The following DNAH5 variants were observed in gnomAD, a reference collection of about 807,000 sequenced individuals.
DNAH5 encodes the protein dynein axonemal heavy chain 5, also known as axonemal beta dynein heavy chain 5.
A neutral mutation model predicts 518.2 loss-of-function variants in DNAH5; 372 were observed. The ratio of observed to expected loss-of-function variants is 0.72; its 90% confidence interval spans 0.66 to 0.78. The LOEUF is 0.78. Ranked by LOEUF, DNAH5 falls within the 30% of genes least tolerant of loss-of-function variation. The pLI, the probability that DNAH5 is intolerant of heterozygous loss-of-function variation, is 0.00. For missense variants in DNAH5, 5,523 were observed against 5,687.0 expected (o/e 0.97, Z 0.93); for synonymous variants, 2,039 against 2,025.9 (o/e 1.01, Z -0.17).
intron 3 of DNAH5, among the ~76,000 whole-genome samples, chr5:13,926,640 T>A (rs1777898508): frequency 6.6e-6 from 1 of 152,210 alleles, no homozygotes; most frequent in Non-Finnish European, 1.5e-5. Context: ...TTTTTTGTAA[T>A]CTAAGAACAT....
At chr5:13,782,941 T>C (rs982621774) in intron 52 of DNAH5, among the ~76,000 whole-genome samples, 1 of 152,162 alleles carries the variant, frequency 6.6e-6, no homozygotes, top group South Asian at 2.1e-4. Flanking sequence ...AAATGAATAA[T>C]GTCCACCCTG....
chr5:13,998,747 A>G (rs753543728), intron 1 of DNAH5, among the ~76,000 whole-genome samples: 1 of 152,228 alleles, frequency 6.6e-6, no homozygotes, highest in Non-Finnish European at 1.5e-5. Context: ...ATAGTCCAAA[A>G]AACTCTTGAA....
intron 43 of DNAH5, 91 bp from the exon 44 acceptor site, chr5:13,811,914 AATAATG>A: frequency 2.9e-6 from 3 of 1,035,730 alleles, no homozygotes; most frequent in East Asian, 2.5e-5. Flanking sequence ...AGTATCTGTT[AATAATG>A]ATAATATCTA....
intron 64 of DNAH5, among the ~76,000 whole-genome samples, chr5:13,751,663 G>A (rs1051591344): frequency 7.2e-5 from 11 of 152,264 alleles, no homozygotes; most frequent in African/African-American, 2.6e-4. Context: ...GATCAGAGCA[G>A]GTTCCCAAAC....
At chr5:13,763,132 C>T (rs973157285) in intron 59 of DNAH5, among the ~76,000 whole-genome samples, 7 of 152,068 alleles carry the variant, frequency 4.6e-5, no homozygotes, top group Admixed American at 2.6e-4. Context: ...GAAAAGATAC[C>T]AACCTTAAAT....
At chr5:13,845,157 T>C (rs1322352635) in intron 31 of DNAH5, among the ~76,000 whole-genome samples, 164 bp from the exon 32 acceptor site, 2 of 152,208 alleles carry the variant, frequency 1.3e-5, no homozygotes, top group African/African-American at 2.4e-5. Flanking sequence ...TTTTTAAGAA[T>C]GTTTTCAAAT....
rs1261555927 is a variant in DNAH5 at position 13,855,309 on chromosome 5, C to T, written c.4950+4143G>A. On this transcript the variant is annotated intron_variant, in intron 30 of 78. Transcript: ENST00000265104. ...CTGCAAGCTCCGCCTCCCGGGTTCA[C>T]GCCATTCTCCTGCCTCAGCCTCCCA... is the stretch of plus-strand genomic sequence containing the variant. 2.3e-3 allele frequency among the ~76,000 whole-genome samples: 237 copies of T among 103,708 alleles called. 50 individuals are homozygous for T. The highest frequency in any genetic ancestry group is 7.5e-3 in the African/African-American group (214 of 28,460). The allele number at this position is 103,708 out of a possible 152,430, so 68.0% of individuals were successfully genotyped here. A position where few individuals can be genotyped will look rare whatever the true frequency, so the allele number is the denominator to read the frequency against.
chr5:13,708,152 C>T lies in DNAH5; in HGVS notation c.13309G>A (p.Asp4437Asn), dbSNP rs1185996065. The change falls in exon 76 of 79, where the codon GAT becomes AAT. Residue 4437 changes from aspartate (D) to asparagine (N), a missense_variant. This residue lies in a region of DNAH5 where 387 missense variants were observed against 430.0 expected (regional missense o/e 0.90). Coordinates refer to ENST00000265104, the MANE Select transcript of DNAH5 (RefSeq NM_001369.3). ...NLRDALDCMF[D>N]ARIPAWWKKA... The stretch of plus-strand genomic sequence containing the variant: ...TTCCACCAAGCAGGGATTCTAGCAT[C>T]AAACATGCAATCCAATGCATCTCGC... 1.2e-6 allele frequency: 2 copies of T among 1,614,150 alleles called. No homozygotes were observed. The highest frequency in any genetic ancestry group is 1.7e-5 in the Admixed American group (1 of 60,024).
intron 65 of DNAH5, among the ~76,000 whole-genome samples, chr5:13,737,992 G>A (rs1747817096): frequency 6.6e-6 from 1 of 151,828 alleles, no homozygotes; most frequent in Non-Finnish European, 1.5e-5. Flanking sequence ...GAGCCAGGGA[G>A]GCAGAGGTTG....
Position 13,844,886 on chromosome 5 carries a change from TG to T in DNAH5, c.5221del (p.His1741IlefsTer3). 6.2e-7 allele frequency: 1 copy of T among 1,614,158 alleles called. No homozygotes were observed. Among genetic ancestry groups the T allele is most frequent in the Non-Finnish European group, 8.5e-7 (1 of 1,180,024 alleles). ...QASDSHTIQA[H>X]LLNVFDNIKS... ...AATGTTGTCAAACACATTCAGCAAA[TG>T]GGCCTGTATAGTGTGGGAGTCCGAC... On this transcript the variant is annotated frameshift_variant, in exon 32 of 79. Transcript: ENST00000265104. LOFTEE classifies it high-confidence loss of function.
chr5:13,958,125 A>G (rs910131642), intron 1 of DNAH5, among the ~76,000 whole-genome samples: 12 of 151,810 alleles, frequency 7.9e-5, no homozygotes, highest in Non-Finnish European at 1.2e-4. Flanking sequence ...TTACTTTTAG[A>G]TTGGTTCCAA....
At position 13,940,410 on chromosome 5, in the gene DNAH5, A is replaced by AAT. The variant is rs943311097; in HGVS notation, c.57+3970_57+3971dup. Reference sequence around the variant, plus strand: ...AAATGGCCCTTACCCATATGCTAAAAATATATATATATAATATGTCACCAT... The same window carrying AAT: ...AAATGGCCCTTACCCATATGCTAAAAATATATATATATATAATATGTCACCAT... On this transcript the variant is annotated intron_variant, in intron 1 of 78. Transcript: ENST00000265104. Among the ~76,000 whole-genome samples the AAT allele has an allele frequency of 1.8e-4, 27 of 152,058 alleles. 1 individual carries two copies. Among genetic ancestry groups the AAT allele is most frequent in the South Asian group, 1.2e-3 (6 of 4,820 alleles).
At position 13,844,837 on chromosome 5, in the gene DNAH5, C is replaced by A. The variant is rs1293906490; in HGVS notation, c.5271G>T (p.Lys1757Asn). The stretch of plus-strand genomic sequence containing the variant: ...GGCCTGCCATTAGAATTAGGCGAAC[C>A]TTTTCGTGGAACTTGACAGATTTAA... ...DNIKSVKFHE[K>N]IYDRILSISS... Residue 1757 changes from lysine to asparagine, a missense_variant and splice_region_variant, in exon 32 of 79, where the codon AAG becomes AAT. Physicochemically the swap from Lys to Asn is moderately conservative, Grantham distance 94. Around this residue, in one of 3 missense-constraint regions of DNAH5, gnomAD observed 5,121 missense variants for 5,223.3 expected, o/e 0.98. Coordinates refer to ENST00000265104, the MANE Select transcript of DNAH5 (RefSeq NM_001369.3). 6.2e-7 allele frequency: 1 copy of A among 1,614,144 alleles called. No individual in the cohort carries two copies. Among genetic ancestry groups the A allele is most frequent in the Middle Eastern group, 1.7e-4 (1 of 6,060 alleles).
chr5:13,894,305 C>T (rs1213359901), intron 16 of DNAH5, among the ~76,000 whole-genome samples: 3 of 152,146 alleles, frequency 2.0e-5, no homozygotes, highest in African/African-American at 7.2e-5. Flanking sequence ...CAGCACTGTA[C>T]TCTATCCAAA....
intron 38 of DNAH5, among the ~76,000 whole-genome samples, chr5:13,824,697 C>T (rs1762668958): frequency 1.3e-5 from 2 of 152,122 alleles, no homozygotes; most frequent in Non-Finnish European, 2.9e-5. Context: ...AAATTCAGAA[C>T]CAGAATTAAA....
intron 78 of DNAH5, 88 bp from the exon 79 acceptor site, chr5:13,692,223 G>A: frequency 6.9e-7 from 1 of 1,455,064 alleles, no homozygotes; most frequent in Non-Finnish European, 9.6e-7. Context: ...GCATTCTGTA[G>A]GTCATTTCAA....
At chr5:13,905,979 T>C (rs533093916) in intron 12 of DNAH5, among the ~76,000 whole-genome samples, 1 of 152,098 alleles carries the variant, frequency 6.6e-6, no homozygotes, top group Admixed American at 6.6e-5. Context: ...TGAAAAGGCA[T>C]GAAGAAAATA....
chr5:13,730,999 C>T (rs1352648707), intron 68 of DNAH5, among the ~76,000 whole-genome samples: 1 of 152,124 alleles, frequency 6.6e-6, no homozygotes, highest in Non-Finnish European at 1.5e-5. Flanking sequence ...CCACCGCGCC[C>T]GGCCTACGCA....
At chr5:13,858,390 G>A (rs1038636003) in intron 30 of DNAH5, among the ~76,000 whole-genome samples, 3 of 152,074 alleles carry the variant, frequency 2.0e-5, no homozygotes, top group African/African-American at 4.8e-5. Flanking sequence ...GGCACAGGGA[G>A]GGGAACATCA....
Sources: gnomAD v4.1 joint callset for allele counts (sites outside exome capture counted in the v4.1 genomes callset) on GRCh38, gnomAD v4.1.1 for gene constraint, gnomAD v4.1.1 regional missense constraint, MANE v1.5 for transcripts, NCBI Gene and HGNC (gene_info 2026-07-23, HGNC 2026-07-21) for gene names.